The following LRP1B variants were observed in gnomAD, a reference collection of about 807,000 sequenced individuals.
The protein encoded by LRP1B is low-density lipoprotein receptor-related protein 1B.
A neutral mutation model predicts 556.6 loss-of-function variants in LRP1B; 217 were observed. The observed-to-expected ratio is 0.39, with a 90% CI of 0.35 to 0.44. The LOEUF (loss-of-function observed/expected upper bound fraction) is 0.44, where lower values mean the gene tolerates loss of function less well. LRP1B is among the 20% of genes least tolerant of loss of function. LRP1B has a pLI of 1.00. For missense variants in LRP1B, 5,053 were observed against 5,620.8 expected, an observed-to-expected ratio of 0.90 and a Z score of 3.23; for synonymous variants, 2,047 against 1,865.8, an observed-to-expected ratio of 1.10 and a Z score of -2.50.
At chr2:140,848,893 C>T (rs1333419030) in intron 29 of LRP1B, among the ~76,000 whole-genome samples, 5 of 152,198 alleles carry the variant, frequency 3.3e-5, no homozygotes, top group African/African-American at 1.2e-4. Flanking sequence ...CATATATGTT[C>T]TCAGTGTTGG....
At chr2:141,150,735 C>T (rs13035290) in intron 7 of LRP1B, among the ~76,000 whole-genome samples, 54,008 of 151,930 alleles carry the variant, frequency 0.36, 10,790 homozygotes, top group Non-Finnish European at 0.46. Flanking sequence ...AGTCTCAAGG[C>T]GCTTCTTCCT....
chr2:140,985,676 T>C (rs1696899108), intron 17 of LRP1B, among the ~76,000 whole-genome samples: 1 of 151,956 alleles, frequency 6.6e-6, no homozygotes. Flanking sequence ...TCTGGGCAAA[T>C]TCTCCAACCC....
intron 32 of LRP1B, among the ~76,000 whole-genome samples, chr2:140,798,207 T>G (rs927182391): frequency 2.6e-5 from 4 of 152,168 alleles, no homozygotes; most frequent in African/African-American, 9.7e-5. Flanking sequence ...AGAACCTAAG[T>G]AGTGACTGGC....
At chr2:140,617,985 CT>C (rs1421972908) in intron 41 of LRP1B, among the ~76,000 whole-genome samples, 1 of 151,960 alleles carries the variant, frequency 6.6e-6, no homozygotes, top group African/African-American at 2.4e-5. Context: ...TTTTAAAACA[CT>C]TTCAGTGTTA....
At chr2:142,054,870 A>C (rs1704605579) in intron 1 of LRP1B, among the ~76,000 whole-genome samples, 2 of 152,112 alleles carry the variant, frequency 1.3e-5, no homozygotes, top group Non-Finnish European at 2.9e-5. Flanking sequence ...TATGAATTTT[A>C]AGCTCAACTT....
intron 43 of LRP1B, among the ~76,000 whole-genome samples, chr2:140,558,023 A>G (rs944940908): frequency 3.3e-5 from 5 of 152,180 alleles, no homozygotes; most frequent in African/African-American, 7.2e-5. Context: ...ACAAAAGAAT[A>G]AAGTGGTTAG....
chr2:141,550,704 C>A (rs1359298530), intron 2 of LRP1B, among the ~76,000 whole-genome samples: 2 of 151,978 alleles, frequency 1.3e-5, no homozygotes, highest in African/African-American at 4.8e-5. Flanking sequence ...TTTTTCTAAG[C>A]CTCTTAATAC....
At chr2:140,743,012 GA>G (rs1346797139) in intron 35 of LRP1B, among the ~76,000 whole-genome samples, 1 of 151,884 alleles carries the variant, frequency 6.6e-6, no homozygotes, top group Non-Finnish European at 1.5e-5. Flanking sequence ...ATAAGACAAA[GA>G]TTTTTTTTTA....
chr2:141,059,124 G>C, intron 8 of LRP1B, 70 bp from the exon 9 acceptor site: 1 of 997,130 alleles, frequency 1.0e-6, no homozygotes, highest in Non-Finnish European at 1.4e-6. Context: ...AAAGCTGATT[G>C]CTATTTACTA....
chr2:142,094,089 G>C (rs957309464), intron 1 of LRP1B, among the ~76,000 whole-genome samples: 2 of 151,994 alleles, frequency 1.3e-5, no homozygotes, highest in Non-Finnish European at 2.9e-5. Flanking sequence ...GGGTCATTTA[G>C]CTTTCTGTGT....
At chr2:141,999,837 C>G (rs1702604018) in intron 1 of LRP1B, among the ~76,000 whole-genome samples, 1 of 151,778 alleles carries the variant, frequency 6.6e-6, no homozygotes, top group African/African-American at 2.4e-5. Context: ...TCTAATTTCA[C>G]TTAAAATTAC....
intron 35 of LRP1B, among the ~76,000 whole-genome samples, chr2:140,740,633 C>G (rs1287438856): frequency 6.6e-6 from 1 of 151,708 alleles, no homozygotes; most frequent in African/African-American, 2.4e-5. Context: ...AACCAAACAC[C>G]ACCTGTTCCC....
At position 140,285,016 on chromosome 2, in the gene LRP1B, G is replaced by C. The variant is rs1053636815; in HGVS notation, c.12968-10418C>G. Among the ~76,000 whole-genome samples, 321 of 144,536 alleles carry C rather than the reference G, an allele frequency of 2.2e-3. 3 individuals are homozygous for C. The highest frequency in any genetic ancestry group is 7.7e-3 in the African/African-American group (309 of 40,196). 94.8% of individuals were successfully genotyped at this position (144,536 alleles called of 152,430 possible). A position where few individuals can be genotyped will look rare whatever the true frequency, so the allele number is the denominator to read the frequency against. ...TCCATATACCTAGATATCTCTCTGT[G>C]TGTGTGTGTGTATATATATATATAT... On this transcript the variant is annotated intron_variant, in intron 84 of 90. Coordinates refer to ENST00000389484, the MANE Select transcript of LRP1B (RefSeq NM_018557.3).
rs140806723 is a variant in LRP1B at position 140,533,666 on chromosome 2, G to A, written c.7762+355C>T. ...CCAAAGTTTCCCGTCCAGTGGTTAG[G>A]AAAATGTGATCATGAGTAAAACAGA... On this transcript the variant is annotated intron_variant, in intron 47 of 90. Coordinates refer to ENST00000389484, the MANE Select transcript of LRP1B (RefSeq NM_018557.3). Among the ~76,000 whole-genome samples the A allele has an allele frequency of 3.6e-3, 541 of 152,238 alleles. 4 individuals carry two copies. The highest frequency in any genetic ancestry group is 0.013 in the African/African-American group (528 of 41,564).
intron 24 of LRP1B, among the ~76,000 whole-genome samples, 187 bp downstream of exon 24, chr2:140,885,951 T>C (rs1354128676): frequency 6.6e-6 from 1 of 151,886 alleles, no homozygotes; most frequent in Non-Finnish European, 1.5e-5. Context: ...AGCACGAGCG[T>C]CACCACTTCC....
chr2:141,875,348 T>G (rs1293683200), intron 1 of LRP1B, among the ~76,000 whole-genome samples: 1 of 151,882 alleles, frequency 6.6e-6, no homozygotes, highest in Non-Finnish European at 1.5e-5. Flanking sequence ...TGACAAAGCT[T>G]GTTTTTCTAA....
At chr2:141,858,668 C>T (rs1377045749) in intron 1 of LRP1B, among the ~76,000 whole-genome samples, 2 of 151,684 alleles carry the variant, frequency 1.3e-5, no homozygotes, top group African/African-American at 4.8e-5. Flanking sequence ...ATAAGAACAA[C>T]AATACTAAAT....
intron 77 of LRP1B, among the ~76,000 whole-genome samples, chr2:140,341,183 A>G (rs1439309034): frequency 6.6e-6 from 1 of 151,642 alleles, no homozygotes; most frequent in Non-Finnish European, 1.5e-5. Context: ...CATCAAATTC[A>G]TTCAGATTAT....
At chr2:140,529,436 G>T (rs1041763338) in intron 47 of LRP1B, among the ~76,000 whole-genome samples, 3 of 114,430 alleles carry the variant, frequency 2.6e-5, no homozygotes, top group African/African-American at 7.1e-5. Flanking sequence ...CTGAAAAGGG[G>T]GGGGGGAAGC....
Sources: allele counts gnomAD v4.1 joint callset (sites outside exome capture counted in the v4.1 genomes callset), GRCh38; gene constraint gnomAD v4.1.1; transcripts MANE v1.5; gene names NCBI Gene and HGNC (gene_info 2026-07-23, HGNC 2026-07-21).